Variants in AGBL1 observed in about 807,000 individuals in gnomAD.
AGBL1 encodes the protein cytosolic carboxypeptidase 4.
A neutral mutation model predicts 118.9 loss-of-function variants in AGBL1; 130 were observed. The observed-to-expected ratio is 1.09, with a 90% confidence interval of 0.95 to 1.26. The LOEUF (loss-of-function observed/expected upper bound fraction) is 1.26. AGBL1 is among the 50% of genes most tolerant of loss of function. AGBL1 has a pLI of 0.00. For missense variants in AGBL1, 1,584 were observed against 1,298.1 expected (o/e 1.22, Z -3.38); for synonymous variants, 555 against 478.9 (o/e 1.16, Z -2.08).
At chr15:86,409,517 C>T (rs1450632006) in intron 18 of AGBL1, among the ~76,000 whole-genome samples, 1 of 152,116 alleles carries the variant, frequency 6.6e-6, no homozygotes, top group Non-Finnish European at 1.5e-5. Flanking sequence ...CTCCATTTGC[C>T]TTCCTCAGAC....
At chr15:86,150,895 G>A (rs2077098575) in intron 3 of AGBL1, among the ~76,000 whole-genome samples, 1 of 151,986 alleles carries the variant, frequency 6.6e-6, no homozygotes, top group African/African-American at 2.4e-5. Context: ...GAATCCAGCA[G>A]CACATCAAAA....
intron 20 of AGBL1, among the ~76,000 whole-genome samples, chr15:86,550,060 C>T (rs766824037): frequency 1.3e-5 from 2 of 151,752 alleles, no homozygotes; most frequent in Non-Finnish European, 2.9e-5. Flanking sequence ...ATTCAAAGAA[C>T]AGAGAAAACA....
At chr15:86,843,099 A>C (rs2079268451) in intron 22 of AGBL1, among the ~76,000 whole-genome samples, 1 of 152,174 alleles carries the variant, frequency 6.6e-6, no homozygotes, top group African/African-American at 2.4e-5. Context: ...ACTCAAAACT[A>C]CAGATGGGTA....
intron 18 of AGBL1, among the ~76,000 whole-genome samples, chr15:86,484,047 G>A (rs572236834): frequency 1.4e-4 from 22 of 152,064 alleles, no homozygotes; most frequent in Non-Finnish European, 2.9e-4. Context: ...AAATAGGTTT[G>A]TTTACATCTC....
At chr15:86,879,038 C>T (rs1447544968) in intron 22 of AGBL1, among the ~76,000 whole-genome samples, 3 of 152,174 alleles carry the variant, frequency 2.0e-5, no homozygotes, top group Non-Finnish European at 4.4e-5. Context: ...CAAGAGGGGG[C>T]GAAAGCCTTT....
intron 22 of AGBL1, among the ~76,000 whole-genome samples, chr15:86,843,022 T>C (rs1287024515): frequency 6.6e-6 from 1 of 152,152 alleles, no homozygotes; most frequent in African/African-American, 2.4e-5. Flanking sequence ...AGGTCAGATA[T>C]CATACTTTGG....
At chr15:86,792,112 T>A (rs767015806) in intron 22 of AGBL1, among the ~76,000 whole-genome samples, 70 of 152,204 alleles carry the variant, frequency 4.6e-4, no homozygotes, top group Admixed American at 1.0e-3. Context: ...TATGATTCTA[T>A]ATCTAACTCC....
intron 22 of AGBL1, among the ~76,000 whole-genome samples, chr15:86,865,226 C>T (rs534223115): frequency 5.3e-4 from 81 of 152,256 alleles, no homozygotes; most frequent in African/African-American, 1.4e-3. Context: ...TGATATTCAT[C>T]GACAGCCCTG....
intron 17 of AGBL1, among the ~76,000 whole-genome samples, chr15:86,335,286 G>A (rs1595983176): frequency 6.6e-6 from 1 of 152,020 alleles, no homozygotes; most frequent in African/African-American, 2.4e-5. Context: ...CTACAGGCAT[G>A]TGCCACCACG....
At chr15:86,401,353 T>C (rs2081442572) in intron 18 of AGBL1, among the ~76,000 whole-genome samples, 1 of 152,180 alleles carries the variant, frequency 6.6e-6, no homozygotes, top group Admixed American at 6.6e-5. Context: ...TAGATATTAG[T>C]CCTTCGTTGC....
At chr15:87,008,743 T>C (rs1567284854) in intron 24 of AGBL1, among the ~76,000 whole-genome samples, 2 of 152,176 alleles carry the variant, frequency 1.3e-5, no homozygotes, top group African/African-American at 4.8e-5. Flanking sequence ...TGATCTCAGA[T>C]GGAGAGGAGG....
chr15:86,978,771 T>C (rs199521505), intron 23 of AGBL1, among the ~76,000 whole-genome samples: 3 of 152,054 alleles, frequency 2.0e-5, no homozygotes, highest in Non-Finnish European at 4.4e-5. Flanking sequence ...CAAATAATAT[T>C]AAGGCCTCTC....
chr15:86,918,550 A>AC (rs570777849), downstream of AGBL1, among the ~76,000 whole-genome samples: 1 of 151,952 alleles, frequency 6.6e-6, no homozygotes, highest in Non-Finnish European at 1.5e-5. Context: ...AAAATAAAAA[A>AC]AAAAAGGAAA....
At chr15:86,310,343 AT>A (rs1420136633) in intron 17 of AGBL1, among the ~76,000 whole-genome samples, 1 of 150,820 alleles carries the variant, frequency 6.6e-6, no homozygotes, top group Non-Finnish European at 1.5e-5. Context: ...AGGTTTGTCA[AT>A]TTTGTTTATT....
At chr15:86,273,963 A>G (rs189186064) in intron 15 of AGBL1, among the ~76,000 whole-genome samples, 4 of 152,324 alleles carry the variant, frequency 2.6e-5, no homozygotes, top group South Asian at 2.1e-4. Flanking sequence ...TGTAGGGCCA[A>G]TCGTCATCAA....
intron 17 of AGBL1, among the ~76,000 whole-genome samples, chr15:86,390,560 G>C (rs920000131): frequency 1.2e-4 from 18 of 151,084 alleles, no homozygotes; most frequent in Middle Eastern, 3.5e-3. Context: ...ATACGACTCA[G>C]TGATTAAAAG....
At chr15:86,418,263 T>C (rs891885847) in intron 18 of AGBL1, among the ~76,000 whole-genome samples, 1 of 152,238 alleles carries the variant, frequency 6.6e-6, no homozygotes, top group Non-Finnish European at 1.5e-5. Context: ...TTAGTTATGA[T>C]CATTCAACCA....
intron 22 of AGBL1, among the ~76,000 whole-genome samples, chr15:86,676,214 G>C (rs757222433): frequency 2.6e-5 from 4 of 152,148 alleles, no homozygotes; most frequent in Non-Finnish European, 5.9e-5. Context: ...TTTGAATTAA[G>C]TTTGGCAGGC....
intron 17 of AGBL1, among the ~76,000 whole-genome samples, chr15:86,392,397 T>G (rs189071745): frequency 6.6e-6 from 1 of 152,340 alleles, no homozygotes; most frequent in East Asian, 1.9e-4. Context: ...AATACTCCAC[T>G]GTGTTTGAAA....
Sources: allele counts gnomAD v4.1 joint callset (sites outside exome capture counted in the v4.1 genomes callset), GRCh38; gene constraint gnomAD v4.1.1; transcripts MANE v1.5; gene names NCBI Gene and HGNC (gene_info 2026-07-23, HGNC 2026-07-21).